NRP2: variants seen among roughly 807,000 people sequenced by gnomAD.
NRP2 encodes the protein neuropilin-2.
Under a neutral mutation model 110.4 loss-of-function variants are expected in NRP2, and 52 were observed. The observed-to-expected ratio is 0.47, with a 90% CI of 0.38 to 0.59. NRP2 has a LOEUF of 0.59. Among genes scored for constraint, NRP2 ranks in the 20% least tolerant of loss-of-function variants. NRP2 has a pLI of 0.00. For missense variants in NRP2, 1,049 were observed against 1,203.0 expected (o/e 0.87, Z 1.89); for synonymous variants, 508 against 468.9 (o/e 1.08, Z -1.08).
chr2:205,788,442 C>A (rs1206829123), intron 15 of NRP2, among the ~76,000 whole-genome samples: 1 of 152,124 alleles, frequency 6.6e-6, no homozygotes, highest in Non-Finnish European at 1.5e-5. Flanking sequence ...GTCTGACTCT[C>A]ACATAGATAT....
chr2:205,782,107 T>G (rs2058181241), intron 15 of NRP2, among the ~76,000 whole-genome samples: 1 of 152,096 alleles, frequency 6.6e-6, no homozygotes. Flanking sequence ...AGAATCTAGG[T>G]GCTTCAGCAC....
chr2:205,726,245 G>A (rs971033814), intron 6 of NRP2, among the ~76,000 whole-genome samples, 163 bp downstream of exon 6: 1 of 152,212 alleles, frequency 6.6e-6, no homozygotes, highest in African/African-American at 2.4e-5. Flanking sequence ...GCCAGGCACT[G>A]GGTTACATGC....
intron 4 of NRP2, 139 bp downstream of exon 4, chr2:205,722,847 C>G (rs1273239351): frequency 1.4e-6 from 1 of 702,232 alleles, no homozygotes. Context: ...TCTTCTTCCC[C>G]TTCACTAAGG....
chr2:205,774,896 G>A (rs1263838127), intron 15 of NRP2, among the ~76,000 whole-genome samples: 4 of 152,160 alleles, frequency 2.6e-5, no homozygotes, highest in Non-Finnish European at 4.4e-5. Context: ...CATGATGAGA[G>A]TGAGTTCCTC....
intron 15 of NRP2, chr2:205,777,256 C>A: frequency 3.4e-6 from 2 of 579,982 alleles, no homozygotes; most frequent in Non-Finnish European, 4.3e-6. Flanking sequence ...TCCCTATCCC[C>A]AACCCACCTG....
chr2:205,788,682 C>A (rs761851948), intron 15 of NRP2, among the ~76,000 whole-genome samples: 2 of 152,164 alleles, frequency 1.3e-5, no homozygotes, highest in Non-Finnish European at 2.9e-5. Context: ...CTGATAGTGG[C>A]CCAGGCTCAT....
chr2:205,702,355 C>T (rs944497015), intron 2 of NRP2, among the ~76,000 whole-genome samples: 5 of 152,360 alleles, frequency 3.3e-5, no homozygotes, highest in Admixed American at 3.3e-4. Context: ...GCCAGCATTT[C>T]CAGTTGGCTT....
Position 205,745,761 on chromosome 2 carries a change from A to T in NRP2, c.1657A>T (p.Met553Leu), listed in dbSNP as rs768347871. The change falls in exon 10 of 17, where the codon ATG (methionine) becomes TTG (leucine). Residue 553 changes from methionine (M) to leucine (L), a missense_variant. By Grantham distance (15) the Met-to-Leu change is conservative. Transcript: ENST00000357785. ...TQQPKLFEGN[M>L]HYDTPDIRRF... ...CTCCCTGCAGCTGTTCGAAGGGAAC[A>T]TGCACTATGACACCCCTGACATCCG... 6.2e-7 allele frequency: 1 copy of T among 1,614,216 alleles called. No homozygotes were observed. The highest frequency in any genetic ancestry group is 8.5e-7 in the Non-Finnish European group (1 of 1,180,026).
chr2:205,722,246 C>T, intron 3 of NRP2: 1 of 545,524 alleles, frequency 1.8e-6, no homozygotes, highest in Non-Finnish European at 3.3e-6. Flanking sequence ...CCCAATTCCT[C>T]AATTGCTGCT....
chr2:205,771,632 A>G (rs964110898), intron 15 of NRP2, among the ~76,000 whole-genome samples: 2 of 152,326 alleles, frequency 1.3e-5, no homozygotes, highest in Admixed American at 6.5e-5. Context: ...TTCTCATTTC[A>G]GAGATTCAGT....
chr2:205,706,386 A>G (rs2056678720), intron 2 of NRP2, among the ~76,000 whole-genome samples: 1 of 152,200 alleles, frequency 6.6e-6, no homozygotes, highest in Non-Finnish European at 1.5e-5. Flanking sequence ...ATAATATTTC[A>G]GCCCAGGAAC....
intron 15 of NRP2, chr2:205,776,330 C>G (rs200953461): frequency 6.2e-7 from 1 of 1,612,866 alleles, no homozygotes; most frequent in African/African-American, 1.3e-5. Flanking sequence ...TACGTAATGG[C>G]CGCCGGGGGC....
At chr2:205,746,040 A>G (rs2057532537) in intron 10 of NRP2, 150 bp downstream of exon 10, 1 of 841,432 alleles carries the variant, frequency 1.2e-6, no homozygotes, top group African/African-American at 1.7e-5. Context: ...GCCTCAGACC[A>G]CGGGTACTGC....
chr2:205,783,441 C>G (rs1291629140), intron 15 of NRP2, among the ~76,000 whole-genome samples: 2 of 152,216 alleles, frequency 1.3e-5, no homozygotes, highest in East Asian at 3.8e-4. Flanking sequence ...TAAAAAACAT[C>G]CCTTAAGGTC....
intron 1 of NRP2, among the ~76,000 whole-genome samples, chr2:205,687,056 AC>A (rs2056186099): frequency 6.6e-6 from 1 of 152,028 alleles, no homozygotes; most frequent in Non-Finnish European, 1.5e-5. Context: ...AAGAACCCAG[AC>A]CCCATAACCA....
At position 205,766,764 on chromosome 2, in the gene NRP2, T is replaced by C. The variant is rs773718041; in HGVS notation, c.2405-19T>C. The C allele has an allele frequency of 1.9e-6, 3 of 1,612,494 alleles. No homozygotes were observed. The highest frequency in any genetic ancestry group is 2.5e-6 in the Non-Finnish European group (3 of 1,178,916). On this transcript the variant is annotated intron_variant, in intron 14 of 16. Transcript: ENST00000357785. ...TTCTTGCCTTTAACTAAGTCCAATT[T>C]TTTGTTTGTTTTTTTCAGAACCCAT...
rs112303711 is a variant in NRP2, at chr2:205,703,793, G to A, written c.251+6072G>A. Among the ~76,000 whole-genome samples the A allele has an allele frequency of 7.9e-5, 12 of 152,290 alleles. 2 individuals are homozygous for A. Among genetic ancestry groups the A allele is most frequent in the African/African-American group, 2.6e-4 (11 of 41,570 alleles). Reference sequence around the variant, plus strand: ...AGGAGGGAGGGTTTGATGCCTTCAGGAACCAAAATAATTGAACATGCCTGA... The same window carrying A: ...AGGAGGGAGGGTTTGATGCCTTCAGAAACCAAAATAATTGAACATGCCTGA... On this transcript the variant is annotated intron_variant, in intron 2 of 16. Transcript: ENST00000357785.
chr2:205,750,228 G>C (rs749449238), intron 11 of NRP2, among the ~76,000 whole-genome samples: 3 of 152,234 alleles, frequency 2.0e-5, no homozygotes, highest in Non-Finnish European at 4.4e-5. Context: ...AGCTGTGTGT[G>C]TATGCTACAG....
At chr2:205,719,687 C>T (rs974332165) in intron 3 of NRP2, among the ~76,000 whole-genome samples, 1 of 152,120 alleles carries the variant, frequency 6.6e-6, no homozygotes, top group Non-Finnish European at 1.5e-5. Flanking sequence ...TGCCTACTGC[C>T]TCCACTTCCT....
Sources: allele counts gnomAD v4.1 joint callset (sites outside exome capture counted in the v4.1 genomes callset), GRCh38; gene constraint gnomAD v4.1.1; transcripts MANE v1.5; gene names NCBI Gene and HGNC (gene_info 2026-07-23, HGNC 2026-07-21).